Variants in GSG1L observed in about 807,000 individuals in gnomAD.
GSG1L encodes the protein GSG1 like, also known as germ cell-specific gene 1-like protein.
GSG1L carries 24 observed loss-of-function variants against 42.1 expected under a neutral mutation model. The ratio of observed to expected loss-of-function variants is 0.57; its 90% confidence interval spans 0.41 to 0.80. GSG1L has a LOEUF of 0.80. Among genes scored for constraint, GSG1L ranks in the 30% least tolerant of loss-of-function variants. The pLI is 0.00. For missense variants in GSG1L, 445 were observed against 472.2 expected (o/e 0.94, Z 0.53); for synonymous variants, 215 against 203.5 (o/e 1.06, Z -0.48).
chr16:28,038,716 G>A (rs572237486), intron 1 of GSG1L, among the ~76,000 whole-genome samples: 60 of 152,268 alleles, frequency 3.9e-4, no homozygotes, highest in African/African-American at 1.4e-3. Flanking sequence ...CAACCTGCCC[G>A]CCCGCTTCTG....
intron 1 of GSG1L, among the ~76,000 whole-genome samples, chr16:28,014,980 G>A (rs1340880878): frequency 6.6e-6 from 1 of 152,234 alleles, no homozygotes; most frequent in African/African-American, 2.4e-5. Flanking sequence ...TTTGAGAGGA[G>A]GCACTGGTGT....
intron 3 of GSG1L, among the ~76,000 whole-genome samples, chr16:27,876,829 T>C (rs536186502): frequency 6.6e-6 from 1 of 152,158 alleles, no homozygotes; most frequent in South Asian, 2.1e-4. Context: ...TTTCAAAGAG[T>C]TACCTTGTCT....
At chr16:27,906,328 G>A (rs1176269081) in intron 2 of GSG1L, among the ~76,000 whole-genome samples, 1 of 152,184 alleles carries the variant, frequency 6.6e-6, no homozygotes, top group South Asian at 2.1e-4. Context: ...GCGACGGGAG[G>A]GTGGGTTTCC....
intron 2 of GSG1L, among the ~76,000 whole-genome samples, chr16:27,915,870 C>A (rs2084449460): frequency 6.6e-6 from 1 of 152,170 alleles, no homozygotes; most frequent in African/African-American, 2.4e-5. Flanking sequence ...AGACAGACAA[C>A]CTGGGTTTAA....
intron 3 of GSG1L, among the ~76,000 whole-genome samples, chr16:27,872,029 G>A (rs1188465125): frequency 6.6e-6 from 1 of 152,172 alleles, no homozygotes; most frequent in Non-Finnish European, 1.5e-5. Context: ...CCTCAATAAA[G>A]CTGTCTAAAA....
At chr16:27,999,055 T>C (rs527933363) in intron 1 of GSG1L, among the ~76,000 whole-genome samples, 1 of 152,312 alleles carries the variant, frequency 6.6e-6, no homozygotes, top group Non-Finnish European at 1.5e-5. Flanking sequence ...CTCAGTAGCC[T>C]GCAAGCAATT....
At position 27,787,703 on chromosome 16, in the gene GSG1L, G is replaced by C. The variant is rs1351889203; in HGVS notation, c.*3667C>G. 6.6e-6 allele frequency: 1 copy of C among 152,128 alleles called. No homozygotes were observed. The highest frequency in any genetic ancestry group is 1.9e-4 in the East Asian group (1 of 5,198). 9.4% of individuals were successfully genotyped at this position (152,128 alleles called of 1,614,324 possible). A position where few individuals can be genotyped will look rare whatever the true frequency, so the allele number is the denominator to read the frequency against. The stretch of plus-strand genomic sequence containing the variant: ...TTACATAAACACAACTATTAAAATA[G>C]ATTAAAATTTTCCCCATGTGTCAAC... On this transcript the variant is annotated 3_prime_UTR_variant, in exon 7 of 7. Transcript: ENST00000447459.
intron 2 of GSG1L, among the ~76,000 whole-genome samples, chr16:27,935,008 C>A (rs1966173339): frequency 6.6e-6 from 1 of 152,196 alleles, no homozygotes; most frequent in African/African-American, 2.4e-5. Context: ...AGACAGAAAA[C>A]ATGTGAACGC....
Position 27,867,238 on chromosome 16 carries a change from A to C in GSG1L, c.550+17248T>G, listed in dbSNP as rs140948190. ...GCACAAGCTCAGTTCAGCGCACAGCAGGTGATGCAGTGCTTATGCAGGCAG... is the reference window on the plus strand; with the variant it reads ...GCACAAGCTCAGTTCAGCGCACAGCCGGTGATGCAGTGCTTATGCAGGCAG... On this transcript the variant is annotated intron_variant, in intron 3 of 6. Transcript: ENST00000447459. Among the ~76,000 whole-genome samples, 783 of 152,180 alleles carry C rather than the reference A, an allele frequency of 5.1e-3. 10 individuals carry two copies. Among genetic ancestry groups the C allele is most frequent in the African/African-American group, 0.018 (744 of 41,534 alleles).
chr16:27,880,626 C>A (rs1233627120), intron 3 of GSG1L, among the ~76,000 whole-genome samples: 2 of 152,124 alleles, frequency 1.3e-5, no homozygotes, highest in African/African-American at 4.8e-5. Context: ...TAGGAGGAAA[C>A]CTGGCTTGGT....
chr16:27,953,381 T>A (rs780616253), intron 2 of GSG1L, among the ~76,000 whole-genome samples: 12 of 151,540 alleles, frequency 7.9e-5, no homozygotes, highest in African/African-American at 2.4e-4. Flanking sequence ...TGAGCCACCA[T>A]GCCTGGCTGT....
At chr16:28,013,763 A>C (rs114617039) in intron 1 of GSG1L, among the ~76,000 whole-genome samples, 2,022 of 152,344 alleles carry the variant, frequency 0.013, 49 homozygotes, top group African/African-American at 0.046. Flanking sequence ...TGTACACCAA[A>C]GCTGGTTTCT....
At chr16:28,058,365 A>C (rs1016473165) in intron 1 of GSG1L, among the ~76,000 whole-genome samples, 13 of 152,326 alleles carry the variant, frequency 8.5e-5, no homozygotes, top group African/African-American at 3.1e-4. Context: ...ACAGTGGCTC[A>C]CGCCTGTAAT....
chr16:28,007,515 G>GTGGTTGGTTGGT (rs1555513702), intron 1 of GSG1L, among the ~76,000 whole-genome samples: 4 of 38,086 alleles, frequency 1.1e-4, no homozygotes, highest in Non-Finnish European at 2.2e-4. Flanking sequence ...TGGTTGGTTG[G>GTGGTTGGTTGGT]TGGTTGGTTG....
chr16:27,919,405 A>G (rs1209293884), intron 2 of GSG1L, among the ~76,000 whole-genome samples: 1 of 151,974 alleles, frequency 6.6e-6, no homozygotes, highest in Non-Finnish European at 1.5e-5. Context: ...TGCCCCAACC[A>G]TTCTCTCTTT....
chr16:27,812,079 A>G (rs566696900), intron 5 of GSG1L, among the ~76,000 whole-genome samples: 1 of 152,246 alleles, frequency 6.6e-6, no homozygotes, highest in East Asian at 1.9e-4. Context: ...GTCTAAGGAG[A>G]CAGTCAGTCC....
intron 3 of GSG1L, among the ~76,000 whole-genome samples, chr16:27,847,279 G>A (rs1426749215): frequency 1.3e-5 from 2 of 152,138 alleles, no homozygotes; most frequent in Non-Finnish European, 1.5e-5. Flanking sequence ...CAACCGGTGT[G>A]GTCAGGTGGG....
intron 2 of GSG1L, among the ~76,000 whole-genome samples, chr16:27,896,266 T>C (rs532127433): frequency 1.3e-5 from 2 of 152,242 alleles, no homozygotes; most frequent in East Asian, 3.9e-4. Context: ...TCAAGGGCAT[T>C]GAATGCTGCA....
intron 3 of GSG1L, among the ~76,000 whole-genome samples, chr16:27,870,764 A>G (rs769206924): frequency 2.6e-5 from 4 of 151,224 alleles, no homozygotes; most frequent in Non-Finnish European, 2.9e-5. Context: ...TGCATCCTCC[A>G]TGACTCCCAC....
Sources: allele counts gnomAD v4.1 joint callset (sites outside exome capture counted in the v4.1 genomes callset), GRCh38; gene constraint gnomAD v4.1.1; transcripts MANE v1.5; gene names NCBI Gene and HGNC (gene_info 2026-07-23, HGNC 2026-07-21).